MDFIC2: variants seen among roughly 807,000 people sequenced by gnomAD.
The protein encoded by MDFIC2 is MyoD family inhibitor domain containing 2.
intron 2 of MDFIC2, chr3:70,283,708 T>G (rs1702111926): frequency 6.6e-6 from 1 of 151,526 alleles, no homozygotes; most frequent in Admixed American, 6.6e-5. Context: ...TCAAAGGGTT[T>G]CAAGTTAGAA....
At chr3:70,234,552 A>T (rs1443463921) in intron 2 of MDFIC2, among the ~76,000 whole-genome samples, 2 of 151,880 alleles carry the variant, frequency 1.3e-5, no homozygotes, top group African/African-American at 4.8e-5. Context: ...AGGTGGGAGG[A>T]TCACTTGAGC....
chr3:70,280,721 A>G (rs1424251553), intron 2 of MDFIC2, among the ~76,000 whole-genome samples: 5 of 152,126 alleles, frequency 3.3e-5, no homozygotes, highest in Non-Finnish European at 5.9e-5. Context: ...CATAAAACCT[A>G]AAAACATTAC....
At chr3:70,258,425 T>C in intron 2 of MDFIC2, among the ~76,000 whole-genome samples, 1 of 152,218 alleles carries the variant, frequency 6.6e-6, no homozygotes, top group Non-Finnish European at 1.5e-5. Context: ...AATATGTATT[T>C]ACAGAGAGAG....
chr3:70,298,078 G>T (rs957485076), intron 2 of MDFIC2, among the ~76,000 whole-genome samples: 4 of 152,006 alleles, frequency 2.6e-5, no homozygotes, highest in Non-Finnish European at 4.4e-5. Context: ...AAAAAACAGG[G>T]CTGTGTATAA....
chr3:70,245,934 C>T (rs1701703999), intron 2 of MDFIC2, among the ~76,000 whole-genome samples: 1 of 151,332 alleles, frequency 6.6e-6, no homozygotes, highest in Non-Finnish European at 1.5e-5. Flanking sequence ...AGATCATCCT[C>T]TTGCTCTTCC....
chr3:70,309,988 C>A (rs1479249474), intron 2 of MDFIC2, among the ~76,000 whole-genome samples: 3 of 152,030 alleles, frequency 2.0e-5, no homozygotes, highest in African/African-American at 7.2e-5. Context: ...ATCTGTAGCA[C>A]AGAGTAATTA....
chr3:70,224,516 G>T (rs1186803462), intron 2 of MDFIC2, among the ~76,000 whole-genome samples: 2 of 152,140 alleles, frequency 1.3e-5, no homozygotes, highest in African/African-American at 2.4e-5. Context: ...TCTGAAGATA[G>T]GAAAGCACCC....
At chr3:70,267,724 C>T (rs771427328) in intron 2 of MDFIC2, among the ~76,000 whole-genome samples, 3 of 151,928 alleles carry the variant, frequency 2.0e-5, no homozygotes, top group African/African-American at 4.8e-5. Context: ...CCTAAAATAG[C>T]ATTTTTTAAT....
intron 2 of MDFIC2, among the ~76,000 whole-genome samples, chr3:70,288,698 C>G (rs1702193663): frequency 6.6e-6 from 1 of 151,782 alleles, no homozygotes; most frequent in African/African-American, 2.4e-5. Flanking sequence ...AAGTCTAAGT[C>G]TCTTTGTAGG....
At chr3:70,218,468 A>C (rs767726291) in intron 2 of MDFIC2, among the ~76,000 whole-genome samples, 3 of 152,128 alleles carry the variant, frequency 2.0e-5, no homozygotes. Flanking sequence ...AGTACTCTAC[A>C]TCCCTCTTTT....
chr3:70,300,159 T>A, intron 2 of MDFIC2, among the ~76,000 whole-genome samples: 1 of 152,106 alleles, frequency 6.6e-6, no homozygotes, highest in East Asian at 1.9e-4. Flanking sequence ...TTCCATTTAT[T>A]CATGTCATTT....
At chr3:70,220,358 G>T (rs1701451641) in intron 2 of MDFIC2, among the ~76,000 whole-genome samples, 1 of 152,040 alleles carries the variant, frequency 6.6e-6, no homozygotes. Flanking sequence ...TTGGCTCCAG[G>T]AGTTTGAAGC....
intron 2 of MDFIC2, among the ~76,000 whole-genome samples, chr3:70,275,695 C>A (rs1702018284): frequency 6.6e-6 from 1 of 152,144 alleles, no homozygotes; most frequent in Non-Finnish European, 1.5e-5. Context: ...ACAATACTTA[C>A]CTCAAAGCGT....
rs1701681997 is a variant in MDFIC2, at chr3:70,243,866, T to C, written c.89-37076A>G. Among the ~76,000 whole-genome samples the C allele has an allele frequency of 3.3e-5, 5 of 152,308 alleles. No homozygotes were observed. In the South Asian group the frequency reaches 1.0e-3, roughly 32 times the overall value. ...TCTAGGAGGATATGTGGAGGAATTG[T>C]ATCACACATCCCTGGAGAAAATACT... is the stretch of plus-strand genomic sequence containing the variant. On this transcript the variant is annotated intron_variant, in intron 2 of 3. Coordinates refer to ENST00000567252, the MANE Select transcript of MDFIC2 (RefSeq NM_001364677.1).
At chr3:70,239,517 T>A (rs1360217462) in intron 2 of MDFIC2, among the ~76,000 whole-genome samples, 2 of 131,544 alleles carry the variant, frequency 1.5e-5, no homozygotes, top group African/African-American at 4.9e-5. Context: ...ACAAAGCCAA[T>A]CACTTTCTAG....
At chr3:70,232,434 G>A (rs1417953203) in intron 2 of MDFIC2, among the ~76,000 whole-genome samples, 6 of 150,268 alleles carry the variant, frequency 4.0e-5, no homozygotes, top group Non-Finnish European at 8.9e-5. Flanking sequence ...ATGGAGTCTC[G>A]CTCTGTCGCC....
chr3:70,308,688 C>G (rs1054795466), intron 2 of MDFIC2, among the ~76,000 whole-genome samples: 2 of 152,156 alleles, frequency 1.3e-5, no homozygotes, highest in Non-Finnish European at 2.9e-5. Flanking sequence ...GTATTGTTCT[C>G]TGCCACACTT....
chr3:70,199,207 G>T (rs1701210674), intron 3 of MDFIC2, among the ~76,000 whole-genome samples: 1 of 152,158 alleles, frequency 6.6e-6, no homozygotes. Context: ...TGACCTTAAG[G>T]ATTGGAGCTG....
intron 2 of MDFIC2, among the ~76,000 whole-genome samples, chr3:70,271,261 C>A (rs1701973728): frequency 6.6e-6 from 1 of 152,112 alleles, no homozygotes; most frequent in South Asian, 2.1e-4. Flanking sequence ...ATGACCAGGA[C>A]TAGGCAGGTA....
Sources: allele counts gnomAD v4.1 joint callset (sites outside exome capture counted in the v4.1 genomes callset), GRCh38; gene constraint gnomAD v4.1.1; transcripts MANE v1.5; gene names NCBI Gene and HGNC (gene_info 2026-07-23, HGNC 2026-07-21).